Variants in DMD observed in about 807,000 individuals in gnomAD.
DMD encodes dystrophin, also known as mutant dystrophin.
DMD carries 63 observed loss-of-function variants against 330.1 expected under a neutral mutation model. The observed-to-expected ratio is 0.19, with a 90% CI of 0.16 to 0.24. The LOEUF (loss-of-function observed/expected upper bound fraction) is 0.24, where lower values mean the gene tolerates loss of function less well. Among genes scored for constraint, DMD ranks in the 10% least tolerant of loss-of-function variants. The pLI is 1.00. For missense variants in DMD, 3,344 were observed against 2,684.1 expected (o/e 1.25, Z -5.43); for synonymous variants, 1,223 against 959.8 (o/e 1.27, Z -5.07).
intron 44 of DMD, among the ~76,000 whole-genome samples, chrX:32,024,427 C>T (rs1358868739): frequency 1.0e-5 from 1 of 97,605 alleles, no homozygotes; most frequent in African/African-American, 4.0e-5. Context: ...GCAGAGGTTA[C>T]AGTCAGCTGA....
At chrX:32,782,575 G>A (rs1043112333) in intron 7 of DMD, among the ~76,000 whole-genome samples, 54 of 111,429 alleles carry the variant, frequency 4.8e-4, no homozygotes, top group African/African-American at 1.5e-3. Flanking sequence ...CACAGAAAAA[G>A]ATGAGAATAA....
At chrX:31,194,136 C>T (rs1315744634) in intron 67 of DMD, among the ~76,000 whole-genome samples, 1 of 111,012 alleles carries the variant, frequency 9.0e-6, no homozygotes, top group Non-Finnish European at 1.9e-5. Flanking sequence ...GCCGAGATTG[C>T]GCCACTGCAC....
intron 48 of DMD, among the ~76,000 whole-genome samples, chrX:31,863,626 G>A (rs1226485918): frequency 9.0e-6 from 1 of 111,503 alleles, no homozygotes; most frequent in Non-Finnish European, 1.9e-5. Context: ...TATCCACTGA[G>A]TATGTTTAAT....
chrX:31,828,325 C>A (rs1603482648), intron 49 of DMD, among the ~76,000 whole-genome samples: 1 of 111,330 alleles, frequency 9.0e-6, no homozygotes, highest in African/African-American at 3.3e-5. Flanking sequence ...GGATACATTC[C>A]TGGAAACACA....
chrX:32,515,795 T>C (rs1348492752), intron 18 of DMD, among the ~76,000 whole-genome samples: 1 of 111,808 alleles, frequency 8.9e-6, no homozygotes, highest in Non-Finnish European at 1.9e-5. Flanking sequence ...TGAGATTCTA[T>C]ATTTCTGACA....
At chrX:33,134,065 T>C (rs2095513105) in intron 1 of DMD, among the ~76,000 whole-genome samples, 1 of 111,837 alleles carries the variant, frequency 8.9e-6, no homozygotes, top group Non-Finnish European at 1.9e-5. Flanking sequence ...TAAGGAACTT[T>C]TGCACAGACA....
chrX:32,739,491 A>G (rs2068956178), intron 7 of DMD, among the ~76,000 whole-genome samples: 2 of 112,107 alleles, frequency 1.8e-5, no homozygotes, highest in South Asian at 7.3e-4. Flanking sequence ...GTATACTACT[A>G]TGGAAAAGGT....
At chrX:33,338,256 T>C (rs1339352025) in intron 1 of DMD, among the ~76,000 whole-genome samples, 2 of 110,855 alleles carry the variant, frequency 1.8e-5, no homozygotes, top group East Asian at 2.8e-4. Flanking sequence ...GCATAGTTTA[T>C]ACAAAAAGCA....
At chrX:32,226,301 T>C (rs190779267) in intron 43 of DMD, among the ~76,000 whole-genome samples, 4 of 111,986 alleles carry the variant, frequency 3.6e-5, no homozygotes, top group African/African-American at 1.3e-4. Context: ...AATTCCTTTT[T>C]TACTGTGGGC....
intron 51 of DMD, among the ~76,000 whole-genome samples, chrX:31,744,330 A>G (rs1748241342): frequency 8.9e-6 from 1 of 112,083 alleles, no homozygotes. Flanking sequence ...TAAAGCGAGC[A>G]CATGCTGTTG....
chrX:32,637,562 C>G (rs1602393684), intron 11 of DMD, among the ~76,000 whole-genome samples: 1 of 111,618 alleles, frequency 9.0e-6, no homozygotes, highest in African/African-American at 3.3e-5. Context: ...CTAGTCTGTT[C>G]TCACGCTGCT....
intron 49 of DMD, among the ~76,000 whole-genome samples, chrX:31,828,076 T>C (rs939705917): frequency 4.5e-5 from 5 of 111,306 alleles, no homozygotes; most frequent in African/African-American, 3.3e-5. Flanking sequence ...AAAGCAGAAC[T>C]AAATGAAGTT....
chrX:33,099,229 G>A (rs1400386851), intron 1 of DMD, among the ~76,000 whole-genome samples: 1 of 111,635 alleles, frequency 9.0e-6, no homozygotes, highest in Non-Finnish European at 1.9e-5. Flanking sequence ...ACCTGCAAGA[G>A]CTCAGGTTGT....
At chrX:32,457,923 C>T (rs1457310984) in intron 25 of DMD, among the ~76,000 whole-genome samples, 2 of 110,618 alleles carry the variant, frequency 1.8e-5, no homozygotes, top group East Asian at 5.7e-4. Flanking sequence ...ATATTATTTA[C>T]TTAGAAAGTA....
chrX:31,370,513 C>T (rs1010158186), intron 60 of DMD, among the ~76,000 whole-genome samples: 1 of 111,879 alleles, frequency 8.9e-6, no homozygotes, highest in Non-Finnish European at 1.9e-5. Context: ...ATCAGAATGG[C>T]TAAAAATAAA....
chrX:32,992,446 T>C (rs2093001448), intron 2 of DMD, among the ~76,000 whole-genome samples: 1 of 111,442 alleles, frequency 9.0e-6, no homozygotes, highest in East Asian at 2.8e-4. Context: ...CCCCCAGTCA[T>C]TTCTAAAGAT....
intron 61 of DMD, 100 bp from the exon 62 acceptor site, chrX:31,323,758 T>G: frequency 1.3e-6 from 1 of 756,581 alleles, no homozygotes; most frequent in Non-Finnish European, 2.0e-6. Flanking sequence ...TACACTGATA[T>G]TGGTCTGTTT....
At chrX:32,649,559 T>TAAAAAAAAAAA (rs1161462889) in intron 9 of DMD, among the ~76,000 whole-genome samples, 2 of 54,280 alleles carry the variant, frequency 3.7e-5, no homozygotes, top group African/African-American at 2.5e-4. Context: ...CCGTCTCTTT[T>TAAAAAAAAAAA]AAAAAAAAAA....
At position 32,119,268 on chromosome X, in the gene DMD, A is replaced by C. The variant is rs2096624681; in HGVS notation, c.6438+97648T>G. Among the ~76,000 whole-genome samples the C allele has an allele frequency of 2.9e-5, 3 of 102,171 alleles. No individual in the cohort carries two copies. In the South Asian group the frequency reaches 1.5e-3, roughly 52 times the overall value. 88.7% of individuals were successfully genotyped at this position (102,171 alleles called of 115,157 possible). Reference sequence around the variant, plus strand: ...AGAATCACCTGAACCTGGGACGCGGAGGTTTCAGTGAGCTTAGATCATCCC... The same window carrying C: ...AGAATCACCTGAACCTGGGACGCGGCGGTTTCAGTGAGCTTAGATCATCCC... On this transcript the variant is annotated intron_variant, in intron 44 of 78. Coordinates refer to ENST00000357033, the MANE Select transcript of DMD (RefSeq NM_004006.3).
Sources: gnomAD v4.1 joint callset for allele counts (sites outside exome capture counted in the v4.1 genomes callset) on GRCh38, gnomAD v4.1.1 for gene constraint, MANE v1.5 for transcripts, NCBI Gene and HGNC (gene_info 2026-07-23, HGNC 2026-07-21) for gene names.